The following TENM4 variants were observed in gnomAD, a reference collection of about 807,000 sequenced individuals.
The protein encoded by TENM4 is teneurin transmembrane protein 4, also known as teneurin-4.
Under a neutral mutation model 243.3 loss-of-function variants are expected in TENM4, and 82 were observed. The ratio of observed to expected loss-of-function variants is 0.34; its 90% CI spans 0.28 to 0.40. TENM4 has a LOEUF of 0.40. TENM4 is among the 10% of genes least tolerant of loss of function. The pLI is 1.00. For missense variants in TENM4, 3,138 were observed against 3,673.3 expected (o/e 0.85, Z 3.77); for synonymous variants, 1,412 against 1,456.3 (o/e 0.97, Z 0.69).
At chr11:79,320,648 T>C (rs1856873517) in intron 1 of TENM4, among the ~76,000 whole-genome samples, 1 of 152,290 alleles carries the variant, frequency 6.6e-6, no homozygotes, top group East Asian at 1.9e-4. Context: ...ACCCGCATTT[T>C]AGCCACATTG....
chr11:79,010,118 T>G (rs990515040), intron 6 of TENM4, among the ~76,000 whole-genome samples: 1 of 152,180 alleles, frequency 6.6e-6, no homozygotes, highest in African/African-American at 2.4e-5. Context: ...ACCTCTTTCC[T>G]TTATAAATTA....
chr11:78,738,667 T>G (rs1855853765), intron 19 of TENM4, 97 bp from the exon 20 acceptor site: 1 of 1,298,060 alleles, frequency 7.7e-7, no homozygotes, highest in Non-Finnish European at 1.1e-6. Flanking sequence ...AGAAAATCAG[T>G]CACTCAGACA....
intron 1 of TENM4, among the ~76,000 whole-genome samples, chr11:79,351,454 C>G (rs534791771): frequency 6.6e-6 from 1 of 152,222 alleles, no homozygotes; most frequent in African/African-American, 2.4e-5. Flanking sequence ...ACCTGTAATC[C>G]CAGAACTTTG....
chr11:79,428,278 A>C (rs1441186110), intron 1 of TENM4, among the ~76,000 whole-genome samples: 1 of 152,222 alleles, frequency 6.6e-6, no homozygotes, highest in Non-Finnish European at 1.5e-5. Flanking sequence ...GGTGGGTTTG[A>C]GAAGATCTCA....
At chr11:79,256,617 T>C (rs1392212035) in intron 2 of TENM4, among the ~76,000 whole-genome samples, 3 of 152,228 alleles carry the variant, frequency 2.0e-5, no homozygotes, top group Non-Finnish European at 2.9e-5. Context: ...TTCAAAGGGT[T>C]CAGAGGCTGG....
At chr11:79,081,593 C>A (rs911159730) in intron 4 of TENM4, among the ~76,000 whole-genome samples, 7 of 150,234 alleles carry the variant, frequency 4.7e-5, no homozygotes, top group African/African-American at 1.7e-4. Flanking sequence ...TGCTGGCCCA[C>A]TGCTGTGATT....
At chr11:79,365,314 C>T (rs1366119257) in intron 1 of TENM4, among the ~76,000 whole-genome samples, 1 of 152,172 alleles carries the variant, frequency 6.6e-6, no homozygotes, top group Non-Finnish European at 1.5e-5. Context: ...CCCATGGGCC[C>T]TTCCTCCTCC....
intron 7 of TENM4, among the ~76,000 whole-genome samples, chr11:78,900,096 C>T (rs190080748): frequency 5.3e-4 from 80 of 152,280 alleles, no homozygotes; most frequent in Non-Finnish European, 7.9e-4. Flanking sequence ...CCCCTGTCAA[C>T]GCGATGTGGA....
intron 15 of TENM4, among the ~76,000 whole-genome samples, chr11:78,790,946 C>T (rs1022986560): frequency 5.9e-5 from 9 of 152,236 alleles, no homozygotes; most frequent in African/African-American, 2.2e-4. Context: ...CACTCAACTT[C>T]CTTGCCAGTT....
At chr11:79,086,383 T>A (rs1167199793) in intron 4 of TENM4, among the ~76,000 whole-genome samples, 5 of 152,232 alleles carry the variant, frequency 3.3e-5, no homozygotes, top group Admixed American at 2.0e-4. Context: ...CCCAAATAAC[T>A]GACTCTTGGA....
At chr11:79,164,520 A>C (rs898533254) in intron 3 of TENM4, among the ~76,000 whole-genome samples, 53 of 143,428 alleles carry the variant, frequency 3.7e-4, no homozygotes, top group Non-Finnish European at 6.6e-4. Context: ...TATACATACT[A>C]TATATATACT....
intron 4 of TENM4, among the ~76,000 whole-genome samples, chr11:79,078,782 A>C (rs1414826815): frequency 1.3e-5 from 2 of 152,218 alleles, no homozygotes; most frequent in African/African-American, 4.8e-5. Context: ...CACCACTCCC[A>C]AAACCATCCC....
chr11:78,684,507 TC>T (rs1858609979), intron 29 of TENM4, among the ~76,000 whole-genome samples: 1 of 152,008 alleles, frequency 6.6e-6, no homozygotes, highest in South Asian at 2.1e-4. Flanking sequence ...ATCTCCACCA[TC>T]CCATTTCTCT....
At chr11:78,923,974 C>A (rs986191544) in intron 6 of TENM4, among the ~76,000 whole-genome samples, 5 of 151,892 alleles carry the variant, frequency 3.3e-5, no homozygotes, top group Non-Finnish European at 5.9e-5. Flanking sequence ...CCTGCCTCAG[C>A]CTCCCAAGTA....
intron 4 of TENM4, among the ~76,000 whole-genome samples, chr11:79,120,307 A>C (rs1469955611): frequency 6.6e-6 from 1 of 152,240 alleles, no homozygotes; most frequent in African/African-American, 2.4e-5. Context: ...AAAAACACAC[A>C]GTAACACCTG....
chr11:78,941,787 G>A (rs902964532), intron 6 of TENM4, among the ~76,000 whole-genome samples: 1 of 152,208 alleles, frequency 6.6e-6, no homozygotes, highest in African/African-American at 2.4e-5. Flanking sequence ...GCAGAGAGCT[G>A]ACTCTGACAC....
At chr11:79,184,031 G>A (rs971300669) in intron 3 of TENM4, among the ~76,000 whole-genome samples, 1 of 152,058 alleles carries the variant, frequency 6.6e-6, no homozygotes, top group Non-Finnish European at 1.5e-5. Flanking sequence ...CTGAGAGCAG[G>A]GACTTGAACA....
rs1031300913 is a variant in TENM4, at chr11:78,848,989, G to A, written c.1681+5115C>T. Among the ~76,000 whole-genome samples, 7 of 152,072 alleles carry A rather than the reference G, an allele frequency of 4.6e-5. No individual in the cohort carries two copies. The South Asian group carries it at 6.2e-4, about 14-fold the overall frequency. On this transcript the variant is annotated intron_variant, in intron 12 of 33. Coordinates refer to ENST00000278550, the MANE Select transcript of TENM4 (RefSeq NM_001098816.3). ...CCAGAGAGGCCAGAGCAAGTTTCTC[G>A]TAAAAATTCCCAGTCCCTACATTTT...
At chr11:79,009,715 G>A (rs1299608673) in intron 6 of TENM4, among the ~76,000 whole-genome samples, 1 of 152,150 alleles carries the variant, frequency 6.6e-6, no homozygotes, top group African/African-American at 2.4e-5. Context: ...GCAGGGACTT[G>A]ACCAACGTCT....
Sources: allele counts gnomAD v4.1 joint callset (sites outside exome capture counted in the v4.1 genomes callset), GRCh38; gene constraint gnomAD v4.1.1; transcripts MANE v1.5; gene names NCBI Gene and HGNC (gene_info 2026-07-23, HGNC 2026-07-21).